SCARB1: variants seen among roughly 807,000 people sequenced by gnomAD.
SCARB1 encodes the protein scavenger receptor class B member 1.
A neutral mutation model predicts 57.2 loss-of-function variants in SCARB1; 30 were observed. The observed-to-expected ratio is 0.52, with a 90% CI of 0.39 to 0.71. The LOEUF (loss-of-function observed/expected upper bound fraction) is 0.71, where lower values mean the gene tolerates loss of function less well. Ranked by LOEUF, SCARB1 falls within the 30% of genes least tolerant of loss-of-function variation. The probability of loss-of-function intolerance (pLI) is 0.00; values close to 1 mark genes in which losing one functional copy is unlikely to be tolerated. For synonymous variants in SCARB1, 249 were observed against 268.3 expected (o/e 0.93, Z 0.70); for missense variants, 543 against 671.2 (o/e 0.81, Z 2.11).
intron 10 of SCARB1, 104 bp downstream of exon 10, chr12:124,787,302 T>C: frequency 9.5e-7 from 1 of 1,048,128 alleles, no homozygotes. Context: ...TTACCCTGGC[T>C]CAGCCCTCTC....
At chr12:124,793,242 AT>A (rs947073394) in intron 9 of SCARB1, among the ~76,000 whole-genome samples, 3 of 152,046 alleles carry the variant, frequency 2.0e-5, no homozygotes, top group African/African-American at 7.3e-5. Flanking sequence ...TTCTAAGAGA[AT>A]TTTTTTTAAC....
intron 1 of SCARB1, among the ~76,000 whole-genome samples, chr12:124,833,799 C>T (rs980483897): frequency 6.6e-6 from 1 of 152,216 alleles, no homozygotes; most frequent in African/African-American, 2.4e-5. Flanking sequence ...ATGGGAAGCT[C>T]CACGCCCAGG....
intron 1 of SCARB1, among the ~76,000 whole-genome samples, chr12:124,853,393 T>G (rs34095915): frequency 0.26 from 27,934 of 107,884 alleles, 2,480 homozygotes; most frequent in Non-Finnish European, 0.32. Flanking sequence ...TAGTTTTGTT[T>G]TTTTTTTTTT....
At chr12:124,798,986 A>G (rs1230666463) in intron 8 of SCARB1, among the ~76,000 whole-genome samples, 1 of 152,216 alleles carries the variant, frequency 6.6e-6, no homozygotes, top group African/African-American at 2.4e-5. Flanking sequence ...CTACTGGGAA[A>G]TAGAGCAACA....
In SCARB1 at chr12:124,814,909, G is replaced by T; in HGVS notation, c.426+64C>A. 6.2e-7 allele frequency: 1 copy of T among 1,605,732 alleles called. No individual in the cohort carries two copies. The highest frequency in any genetic ancestry group is 8.5e-7 in the Non-Finnish European group (1 of 1,174,626). On this transcript the variant is annotated intron_variant, in intron 3 of 12. Coordinates refer to ENST00000261693, the MANE Select transcript of SCARB1 (RefSeq NM_005505.5). The surrounding 1 kb of genome is among the most constrained non-coding windows in gnomAD (Gnocchi z 4.7). Reference sequence around the variant, plus strand: ...GGACTGCTCTCTGCACAAGGGGCAGGCGGGAGGAGAGACAGGGGACGAGGT... The same window carrying T: ...GGACTGCTCTCTGCACAAGGGGCAGTCGGGAGGAGAGACAGGGGACGAGGT...
chr12:124,827,905 T>C (rs1431164531), intron 1 of SCARB1, among the ~76,000 whole-genome samples: 1 of 152,158 alleles, frequency 6.6e-6, no homozygotes, highest in Admixed American at 6.6e-5. Context: ...TGCCTGGCCA[T>C]AAACCCACAA....
At chr12:124,804,750 T>C (rs1276534944) in intron 7 of SCARB1, among the ~76,000 whole-genome samples, 3 of 152,188 alleles carry the variant, frequency 2.0e-5, no homozygotes, top group African/African-American at 7.2e-5. Flanking sequence ...CAGCCCCTCC[T>C]CCTGACCCCT....
rs1950650283 is a variant in SCARB1 at position 124,815,007 on chromosome 12, C to T, written c.392G>A (p.Ser131Asn). Residue 131 changes from serine (S) to asparagine (N), a missense_variant, in exon 3 of 13, where the codon AGC (serine) becomes AAC (asparagine). Ser to Asn is a conservative substitution (Grantham distance 46). Transcript: ENST00000261693. ...FQPSKSHGSESDYIVMPNILV... is the reference protein window; with the variant it reads ...FQPSKSHGSENDYIVMPNILV... ...GATGTTGGGCATGACGATGTAGTCGCTCTCCGAGCCGTGGGACTTGGAGGG... is the reference window on the plus strand; with the variant it reads ...GATGTTGGGCATGACGATGTAGTCGTTCTCCGAGCCGTGGGACTTGGAGGG... 6.2e-7 allele frequency: 1 copy of T among 1,614,238 alleles called. No individual in the cohort carries two copies.
At chr12:124,819,231 C>A (rs1950858467) in intron 1 of SCARB1, among the ~76,000 whole-genome samples, 2 of 152,088 alleles carry the variant, frequency 1.3e-5, no homozygotes, top group Non-Finnish European at 2.9e-5. Flanking sequence ...GCTCACAAAT[C>A]TAGAAGGTGA....
intron 1 of SCARB1, among the ~76,000 whole-genome samples, chr12:124,823,743 G>A (rs1448293357): frequency 2.0e-5 from 3 of 152,222 alleles, no homozygotes; most frequent in Non-Finnish European, 2.9e-5. Flanking sequence ...ACAGATGAAT[G>A]GCTGAACGCA....
rs1189927636 is a variant in SCARB1, at chr12:124,786,481, G to C, written c.1277C>G (p.Thr426Ser). 1.2e-6 allele frequency: 2 copies of C among 1,614,118 alleles called. No homozygotes were observed. The highest frequency in any genetic ancestry group is 2.2e-5 in the South Asian group (2 of 91,088). ...FAESGAMEGETLHTFYTQLVL... is the reference protein window; with the variant it reads ...FAESGAMEGESLHTFYTQLVL... ...CAGCTGAGTGTAGAATGTGTGAAGA[G>C]TCTCCCCCTCCATGGCCCCGCTCTG... Residue 426 changes from threonine (T) to serine (S), a missense_variant, in exon 11 of 13, where the codon ACT becomes AGT. Coordinates refer to ENST00000261693, the MANE Select transcript of SCARB1 (RefSeq NM_005505.5).
intron 1 of SCARB1, among the ~76,000 whole-genome samples, chr12:124,848,457 C>T (rs1294426667): frequency 6.6e-6 from 1 of 152,226 alleles, no homozygotes; most frequent in Admixed American, 6.5e-5. Flanking sequence ...CACAGACTGT[C>T]AGATTAAAGG....
At chr12:124,828,864 C>G (rs1407716191) in intron 1 of SCARB1, among the ~76,000 whole-genome samples, 1 of 152,164 alleles carries the variant, frequency 6.6e-6, no homozygotes, top group South Asian at 2.1e-4. Flanking sequence ...CCAAATGAGC[C>G]AAGAAGCCAA....
At chr12:124,835,338 A>G (rs930352194) in intron 1 of SCARB1, among the ~76,000 whole-genome samples, 5 of 151,728 alleles carry the variant, frequency 3.3e-5, no homozygotes, top group Non-Finnish European at 7.4e-5. Context: ...AGCTCACTGT[A>G]GCCTTGAACT....
chr12:124,782,660 GCA>G (rs1566127164), intron 12 of SCARB1, 21 bp downstream of exon 12: 1 of 1,611,530 alleles, frequency 6.2e-7, no homozygotes, highest in Admixed American at 1.7e-5. Context: ...GCGGGGAGGC[GCA>G]CGGCATTACC....
intron 1 of SCARB1, among the ~76,000 whole-genome samples, chr12:124,832,820 T>A (rs1951459372): frequency 6.6e-6 from 1 of 152,182 alleles, no homozygotes; most frequent in African/African-American, 2.4e-5. Flanking sequence ...AATGGAAGCA[T>A]TTTCATTGTA....
intron 1 of SCARB1, among the ~76,000 whole-genome samples, chr12:124,849,861 A>C (rs11057862): frequency 0.32 from 43,625 of 134,596 alleles, 8,119 homozygotes; most frequent in Non-Finnish European, 0.35. Context: ...CCAGGAGTTC[A>C]AGACCAGCCT....
At chr12:124,815,761 G>C (rs1950688200) in intron 2 of SCARB1, among the ~76,000 whole-genome samples, 1 of 152,212 alleles carries the variant, frequency 6.6e-6, no homozygotes, top group African/African-American at 2.4e-5. Flanking sequence ...AGCTACTCGG[G>C]AGGCTGAGGC....
intron 1 of SCARB1, among the ~76,000 whole-genome samples, chr12:124,844,395 C>T (rs1294521934): frequency 6.6e-6 from 1 of 152,186 alleles, no homozygotes; most frequent in Non-Finnish European, 1.5e-5. Flanking sequence ...TCGGTCCTCA[C>T]TGAATCCTAT....
Sources: gnomAD v4.1 joint callset for allele counts (sites outside exome capture counted in the v4.1 genomes callset) on GRCh38, gnomAD v4.1.1 for gene constraint, Gnocchi (gnomAD v3.1) non-coding constraint, MANE v1.5 for transcripts, NCBI Gene and HGNC (gene_info 2026-07-23, HGNC 2026-07-21) for gene names.